DOCK2: variants seen among roughly 807,000 people sequenced by gnomAD.
The protein encoded by DOCK2 is dedicator of cytokinesis 2, also known as dedicator of cytokinesis protein 2.
DOCK2 carries 87 observed loss-of-function variants against 248.9 expected under a neutral mutation model. The ratio of observed to expected loss-of-function variants is 0.35; its 90% CI spans 0.29 to 0.42. The LOEUF (loss-of-function observed/expected upper bound fraction) is 0.42, where lower values mean the gene tolerates loss of function less well. Ranked by LOEUF, DOCK2 falls within the 10% of genes least tolerant of loss-of-function variation. The pLI, the probability that DOCK2 is intolerant of heterozygous loss-of-function variation, is 1.00. For missense variants in DOCK2, 1,747 were observed against 2,300.2 expected, an observed-to-expected ratio of 0.76 and a Z score of 4.92; for synonymous variants, 805 against 821.6, an observed-to-expected ratio of 0.98 and a Z score of 0.35.
At chr5:170,076,107 G>A (rs758532470) in intron 47 of DOCK2, 23 bp downstream of exon 47, 2 of 1,612,156 alleles carry the variant, frequency 1.2e-6, no homozygotes, top group Non-Finnish European at 1.7e-6. Context: ...CCTATGGCTT[G>A]GAGGGGTGGG....
chr5:169,914,107 A>G (rs1031113850), intron 27 of DOCK2, among the ~76,000 whole-genome samples: 2 of 152,212 alleles, frequency 1.3e-5, no homozygotes, highest in African/African-American at 4.8e-5. Flanking sequence ...GTCCCTCAGA[A>G]CGCCTTTTGT....
intron 26 of DOCK2, among the ~76,000 whole-genome samples, chr5:169,823,464 A>T (rs889367352): frequency 1.3e-5 from 2 of 152,236 alleles, no homozygotes; most frequent in African/African-American, 4.8e-5. Context: ...GGCTGGTTCA[A>T]TATACGCAAG....
intron 32 of DOCK2, among the ~76,000 whole-genome samples, chr5:170,018,142 G>C (rs544129152): frequency 6.6e-6 from 1 of 152,208 alleles, no homozygotes; most frequent in South Asian, 2.1e-4. Flanking sequence ...TAAAGGCAGT[G>C]CAAGGAATCT....
intron 30 of DOCK2, among the ~76,000 whole-genome samples, chr5:170,007,247 C>T (rs1209519131): frequency 6.6e-6 from 1 of 152,132 alleles, no homozygotes; most frequent in Non-Finnish European, 1.5e-5. Flanking sequence ...GTTGCCTATC[C>T]TCTTGCTACA....
At chr5:169,692,297 T>C (rs1330029260) in intron 9 of DOCK2, among the ~76,000 whole-genome samples, 1 of 152,190 alleles carries the variant, frequency 6.6e-6, no homozygotes, top group East Asian at 1.9e-4. Flanking sequence ...AAAGAAGCAC[T>C]AATGAGTTCC....
At chr5:170,036,862 C>T (rs1283850003) in intron 36 of DOCK2, among the ~76,000 whole-genome samples, 3 of 152,152 alleles carry the variant, frequency 2.0e-5, no homozygotes, top group African/African-American at 4.8e-5. Flanking sequence ...TTGTTGCGGG[C>T]CTGACCTTGG....
chr5:169,870,322 GTAA>G (rs1319762376), intron 27 of DOCK2, among the ~76,000 whole-genome samples: 2 of 152,134 alleles, frequency 1.3e-5, no homozygotes, highest in Non-Finnish European at 2.9e-5. Flanking sequence ...GTTTTTCTAG[GTAA>G]TTGGAAGCAG....
At chr5:169,903,586 C>T (rs1774086676) in intron 27 of DOCK2, among the ~76,000 whole-genome samples, 1 of 152,022 alleles carries the variant, frequency 6.6e-6, no homozygotes, top group Admixed American at 6.5e-5. Flanking sequence ...AGGGAAGTCA[C>T]TTCAGGACAC....
chr5:170,082,710 C>T, intron 51 of DOCK2, 86 bp from the exon 52 acceptor site: 1 of 1,540,466 alleles, frequency 6.5e-7, no homozygotes. Flanking sequence ...GTGTTGAGGC[C>T]CTTGTGATTA....
chr5:169,958,087 C>T (rs568424365), intron 27 of DOCK2, among the ~76,000 whole-genome samples: 1 of 152,240 alleles, frequency 6.6e-6, no homozygotes, highest in African/African-American at 2.4e-5. Context: ...ACCAAGCAAA[C>T]ATGAGTGCAA....
chr5:169,733,532 C>A (rs1762888783), intron 22 of DOCK2, among the ~76,000 whole-genome samples: 1 of 151,266 alleles, frequency 6.6e-6, no homozygotes, highest in Non-Finnish European at 1.5e-5. Flanking sequence ...TGTTTTTAAC[C>A]ACAATTAAAA....
intron 27 of DOCK2, among the ~76,000 whole-genome samples, chr5:169,873,909 G>A (rs1197548351): frequency 1.3e-5 from 2 of 152,124 alleles, no homozygotes. Context: ...CTCTTGCAGG[G>A]TGCACAGCTG....
intron 8 of DOCK2, among the ~76,000 whole-genome samples, chr5:169,685,439 C>T (rs1056208967): frequency 1.3e-5 from 2 of 152,190 alleles, no homozygotes; most frequent in Non-Finnish European, 2.9e-5. Flanking sequence ...TGCCTGTCTC[C>T]TCCATTGGGG....
chr5:169,674,820 C>T (rs926439927), intron 6 of DOCK2, among the ~76,000 whole-genome samples: 2 of 152,176 alleles, frequency 1.3e-5, no homozygotes, highest in African/African-American at 4.8e-5. Context: ...TGTCTCTTCC[C>T]CCATCCTAAA....
chr5:169,655,424 G>GA (rs1426152641), intron 2 of DOCK2, among the ~76,000 whole-genome samples: 1 of 152,220 alleles, frequency 6.6e-6, no homozygotes, highest in Admixed American at 6.5e-5. Flanking sequence ...GACGGTCAGG[G>GA]AGGAGGCAGG....
intron 29 of DOCK2, among the ~76,000 whole-genome samples, chr5:169,992,550 C>T (rs979785608): frequency 2.0e-5 from 3 of 151,084 alleles, no homozygotes; most frequent in African/African-American, 7.3e-5. Context: ...CTGCAACCTC[C>T]AACTCCCTGG....
intron 27 of DOCK2, among the ~76,000 whole-genome samples, chr5:169,942,278 A>C (rs1470485533): frequency 1.3e-5 from 2 of 152,200 alleles, no homozygotes; most frequent in Non-Finnish European, 2.9e-5. Context: ...CTCTCTCTGC[A>C]ATGACTTCTG....
intron 27 of DOCK2, among the ~76,000 whole-genome samples, chr5:169,860,153 T>A (rs985000071): frequency 6.6e-6 from 1 of 151,774 alleles, no homozygotes; most frequent in African/African-American, 2.4e-5. Context: ...TTTGACGGGG[T>A]CTCACTACTT....
chr5:169,658,835 A>G (rs1397502375), intron 2 of DOCK2, among the ~76,000 whole-genome samples: 1 of 151,714 alleles, frequency 6.6e-6, no homozygotes, highest in Non-Finnish European at 1.5e-5. Flanking sequence ...CCTTGAGCCC[A>G]GGAGTTTAAG....
Sources: allele counts gnomAD v4.1 joint callset (sites outside exome capture counted in the v4.1 genomes callset), GRCh38; gene constraint gnomAD v4.1.1; transcripts MANE v1.5; gene names NCBI Gene and HGNC (gene_info 2026-07-23, HGNC 2026-07-21).